Variants in MEF2C observed in about 807,000 individuals in gnomAD.
The protein encoded by MEF2C is myocyte-specific enhancer factor 2C.
MEF2C carries 6 observed loss-of-function variants against 50.5 expected under a neutral mutation model. That is an observed-to-expected ratio of 0.12 (90% confidence interval 0.07 to 0.23). The LOEUF (loss-of-function observed/expected upper bound fraction) is 0.23, where lower values mean the gene tolerates loss of function less well. Ranked by LOEUF, MEF2C falls within the 10% of genes least tolerant of loss-of-function variation. MEF2C has a pLI of 1.00. For missense variants in MEF2C, 276 were observed against 605.0 expected (o/e 0.46, Z 5.70); for synonymous variants, 183 against 228.0 (o/e 0.80, Z 1.78).
At chr5:88,793,725 A>T (rs1016338252) in intron 3 of MEF2C, among the ~76,000 whole-genome samples, 1 of 152,120 alleles carries the variant, frequency 6.6e-6, no homozygotes, top group African/African-American at 2.4e-5. Flanking sequence ...TACACGTGCC[A>T]TGGTGGTTTG....
At chr5:88,893,078 T>C (rs1834761794) in intron 1 of MEF2C, among the ~76,000 whole-genome samples, 1 of 152,204 alleles carries the variant, frequency 6.6e-6, no homozygotes, top group Admixed American at 6.5e-5. Context: ...TTGGTTCTAA[T>C]AAAGTCCCAC....
At position 88,823,927 on chromosome 5, in the gene MEF2C, C is replaced by T. The variant is rs1809683993; in HGVS notation, c.-139G>A. The stretch of plus-strand genomic sequence containing the variant: ...CAGTTCCCAAATTCCTGCATTCGTT[C>T]CTGCTGAACAAAAAAGAAAAATTAA... On this transcript the variant is annotated 5_prime_UTR_variant, in exon 2 of 11. Coordinates refer to ENST00000504921, the MANE Select transcript of MEF2C (RefSeq NM_002397.5). 6.9e-7 allele frequency: 1 copy of T among 1,445,554 alleles called. No homozygotes were observed. Among genetic ancestry groups the T allele is most frequent in the Non-Finnish European group, 9.1e-7 (1 of 1,097,196 alleles). The allele number at this position is 1,445,554 out of a possible 1,614,324, so 89.5% of individuals were successfully genotyped here.
At chr5:88,760,915 C>CCAT in intron 4 of MEF2C, 1 of 1,484,664 alleles carries the variant, frequency 6.7e-7, no homozygotes, top group Non-Finnish European at 9.1e-7. Flanking sequence ...TTAGAGAAAG[C>CCAT]CATCACTGAG....
intron 1 of MEF2C, chr5:88,844,576 TG>T: frequency 1.4e-6 from 1 of 733,202 alleles, no homozygotes; most frequent in Non-Finnish European, 1.7e-6. Flanking sequence ...CTTTGAAAAC[TG>T]GGAAAATATA....
chr5:88,731,256 C>T (rs2152271862), intron 7 of MEF2C, among the ~76,000 whole-genome samples: 1 of 152,220 alleles, frequency 6.6e-6, no homozygotes, highest in East Asian at 1.9e-4. Flanking sequence ...CATTGCAATA[C>T]ATCTAAGAAA....
At chr5:88,735,114 T>G in intron 6 of MEF2C, 3 of 985,400 alleles carry the variant, frequency 3.0e-6, no homozygotes, top group South Asian at 4.7e-5. Context: ...AACCTATGAT[T>G]TGAAAATCAA....
chr5:88,728,711 C>A (rs1760013285), intron 9 of MEF2C, 83 bp from the exon 10 acceptor site: 2 of 982,704 alleles, frequency 2.0e-6, no homozygotes, highest in East Asian at 3.2e-5. Flanking sequence ...TTTTCAATTT[C>A]CAAAATATTC....
At position 88,722,810 on chromosome 5, in the gene MEF2C, A is replaced by C. The variant is rs765537349; in HGVS notation, c.1216T>G (p.Ser406Ala). ...SPPRDRTTTP[S>A]RYPQHTRHEA... is the part of the protein sequence containing the mutation. ...TGGCGCGTGTGTTGTGGGTATCTCG[A>C]AGGGGTGGTGGTACGGTCTCTAGGA... Residue 406 changes from serine to alanine, a missense_variant, in exon 11 of 11, where the codon TCG becomes GCG. By Grantham distance (99) the Ser-to-Ala change is moderately conservative. Coordinates refer to ENST00000504921, the MANE Select transcript of MEF2C (RefSeq NM_002397.5). 6.2e-7 allele frequency: 1 copy of C among 1,613,914 alleles called. No homozygotes were observed.
At chr5:88,737,084 AAAATT>A in intron 6 of MEF2C, 1 of 985,068 alleles carries the variant, frequency 1.0e-6, no homozygotes, top group Non-Finnish European at 1.2e-6. Flanking sequence ...ATATGCTAGA[AAAATT>A]AAGAATTATT....
At chr5:88,835,092 T>C (rs1238647718) in intron 1 of MEF2C, among the ~76,000 whole-genome samples, 1 of 152,228 alleles carries the variant, frequency 6.6e-6, no homozygotes, top group Non-Finnish European at 1.5e-5. Flanking sequence ...ATGATGGCAA[T>C]GGCCACTGGT....
chr5:88,844,527 G>C (rs991232607), intron 1 of MEF2C: 8 of 244,668 alleles, frequency 3.3e-5, no homozygotes, highest in Non-Finnish European at 4.6e-5. Flanking sequence ...ATTAGAGAAG[G>C]GTTTTTGTTT....
At position 88,735,921 on chromosome 5, in the gene MEF2C, C is replaced by T. The variant is rs182058472; in HGVS notation, c.638-4020G>A. On this transcript the variant is annotated intron_variant, in intron 6 of 10. Coordinates refer to ENST00000504921, the MANE Select transcript of MEF2C (RefSeq NM_002397.5). ...ATGTTTAGGCATTTTGAGTTTTCTT[C>T]ACTTGTTTCTTTTTCTTTTCTAGGA... 3,112 of 985,292 alleles carry T rather than the reference C, an allele frequency of 3.2e-3. 7 individuals carry two copies. The highest frequency in any genetic ancestry group is 3.5e-3 in the Non-Finnish European group (2,926 of 829,864). 61.0% of individuals were successfully genotyped at this position (985,292 alleles called of 1,614,324 possible).
At chr5:88,819,751 G>T (rs1177842783) in intron 2 of MEF2C, among the ~76,000 whole-genome samples, 1 of 151,808 alleles carries the variant, frequency 6.6e-6, no homozygotes, top group Non-Finnish European at 1.5e-5. Context: ...AAATCCAAAC[G>T]CCCTGTTTTT....
intron 1 of MEF2C, among the ~76,000 whole-genome samples, chr5:88,879,352 T>C (rs1453222378): frequency 6.9e-6 from 1 of 145,718 alleles, no homozygotes; most frequent in Admixed American, 7.1e-5. Flanking sequence ...TAAAGAATGA[T>C]CTTTATATAA....
At chr5:88,800,550 T>A (rs1797927186) in intron 3 of MEF2C, among the ~76,000 whole-genome samples, 1 of 152,186 alleles carries the variant, frequency 6.6e-6, no homozygotes, top group South Asian at 2.1e-4. Flanking sequence ...CTTCAGATCA[T>A]CCTGAAGTAC....
intron 3 of MEF2C, among the ~76,000 whole-genome samples, chr5:88,784,610 C>G (rs1421113069): frequency 6.6e-6 from 1 of 152,068 alleles, no homozygotes; most frequent in African/African-American, 2.4e-5. Flanking sequence ...TAAAAAGAAC[C>G]AATATTTTCC....
intron 1 of MEF2C, among the ~76,000 whole-genome samples, chr5:88,870,157 A>G (rs1829066979): frequency 6.6e-6 from 1 of 152,024 alleles, no homozygotes; most frequent in Admixed American, 6.6e-5. Context: ...TTTATTTTAA[A>G]CAATCCTATA....
At chr5:88,771,386 C>G (rs1411322001) in intron 3 of MEF2C, 5 of 963,450 alleles carry the variant, frequency 5.2e-6, no homozygotes, top group Admixed American at 1.2e-4. Flanking sequence ...CTTAATTGTC[C>G]TAGGACACCC....
intron 1 of MEF2C, among the ~76,000 whole-genome samples, chr5:88,858,871 A>G (rs1249584096): frequency 1.3e-5 from 2 of 152,254 alleles, no homozygotes; most frequent in African/African-American, 2.4e-5. Flanking sequence ...AATTATTTAA[A>G]TATCATGTTC....
Sources: gnomAD v4.1 joint callset for allele counts (sites outside exome capture counted in the v4.1 genomes callset) on GRCh38, gnomAD v4.1.1 for gene constraint, MANE v1.5 for transcripts, NCBI Gene and HGNC (gene_info 2026-07-23, HGNC 2026-07-21) for gene names.